The following RBFOX1 variants were observed in gnomAD, a reference collection of about 807,000 sequenced individuals.
The protein encoded by RBFOX1 is RNA binding protein fox-1 homolog 1.
Under a neutral mutation model 57.7 loss-of-function variants are expected in RBFOX1, and 8 were observed. The observed-to-expected ratio is 0.14, with a 90% confidence interval of 0.08 to 0.25. The LOEUF (loss-of-function observed/expected upper bound fraction) is 0.25. Among genes scored for constraint, RBFOX1 ranks in the 10% least tolerant of loss-of-function variants. RBFOX1 has a pLI of 1.00. For synonymous variants in RBFOX1, 326 were observed against 222.4 expected (o/e 1.47, Z -4.15); for missense variants, 611 against 548.5 (o/e 1.11, Z -1.14).
At chr16:6,941,468 A>C (rs1044227850) in intron 3 of RBFOX1, among the ~76,000 whole-genome samples, 4 of 151,958 alleles carry the variant, frequency 2.6e-5, no homozygotes, top group Non-Finnish European at 5.9e-5. Flanking sequence ...AACATACTGT[A>C]AAAGTGCCGT....
chr16:6,793,023 C>T (rs1012374083), intron 3 of RBFOX1, among the ~76,000 whole-genome samples: 3 of 130,810 alleles, frequency 2.3e-5, no homozygotes, highest in African/African-American at 5.5e-5. Context: ...AGTGAGACTC[C>T]ATCTGAAAAA....
At position 5,429,854 on chromosome 16, in the gene RBFOX1, T is replaced by C. The variant is rs376782257; in HGVS notation, c.220-37362T>C. ...CAGCCTGTGCTAGGGGCTCCGGCTG[T>C]GTCAGTGAATGAAACAGTCCCAAAT... On this transcript the variant is annotated intron_variant, in intron 1 of 2. Coordinates refer to the RBFOX1 transcript ENST00000585867. Among the ~76,000 whole-genome samples the C allele has an allele frequency of 2.6e-5, 4 of 152,314 alleles. No individual in the cohort carries two copies. In the South Asian group the frequency reaches 6.2e-4, roughly 24 times the overall value.
At chr16:5,998,261 C>A (rs147390561) in intron 4 of RBFOX1, among the ~76,000 whole-genome samples, 1 of 152,176 alleles carries the variant, frequency 6.6e-6, no homozygotes, top group Non-Finnish European at 1.5e-5. Context: ...TCCCTTAGAT[C>A]TCTTTGATAG....
At chr16:6,564,388 A>T (rs946775350) in intron 2 of RBFOX1, among the ~76,000 whole-genome samples, 3 of 152,200 alleles carry the variant, frequency 2.0e-5, no homozygotes, top group Admixed American at 2.0e-4. Flanking sequence ...TGAACCCAGG[A>T]GACAGAGCTT....
At chr16:5,835,844 A>T (rs915744552) in intron 3 of RBFOX1, among the ~76,000 whole-genome samples, 11 of 152,172 alleles carry the variant, frequency 7.2e-5, no homozygotes, top group African/African-American at 2.4e-4. Flanking sequence ...TGGAGGAACC[A>T]TGCCCACAGG....
intron 5 of RBFOX1, among the ~76,000 whole-genome samples, chr16:7,525,501 C>G (rs1018589041): frequency 3.3e-5 from 5 of 152,250 alleles, no homozygotes; most frequent in Non-Finnish European, 7.4e-5. Flanking sequence ...ATCAATTACC[C>G]TACAGAGAGC....
chr16:7,098,018 G>T (rs987110214), intron 4 of RBFOX1, among the ~76,000 whole-genome samples: 3 of 152,158 alleles, frequency 2.0e-5, no homozygotes, highest in African/African-American at 7.2e-5. Flanking sequence ...TGACTTAAAT[G>T]AGCTCAGTGA....
intron 4 of RBFOX1, among the ~76,000 whole-genome samples, chr16:7,413,370 TG>T (rs1488039226): frequency 2.0e-5 from 3 of 152,014 alleles, no homozygotes; most frequent in Non-Finnish European, 4.4e-5. Context: ...CACACATCCC[TG>T]AATCACTTGT....
chr16:7,485,706 T>G (rs2065190415), intron 4 of RBFOX1, among the ~76,000 whole-genome samples: 1 of 152,234 alleles, frequency 6.6e-6, no homozygotes, highest in South Asian at 2.1e-4. Context: ...CACATCCATA[T>G]ATAATGTATA....
chr16:5,475,509 A>G (rs572772645), intron 2 of RBFOX1, among the ~76,000 whole-genome samples: 1 of 152,354 alleles, frequency 6.6e-6, no homozygotes, highest in African/African-American at 2.4e-5. Flanking sequence ...AGGCATTGTC[A>G]ACTATAATTG....
chr16:6,652,134 T>C (rs2098601409), intron 2 of RBFOX1, among the ~76,000 whole-genome samples: 1 of 152,082 alleles, frequency 6.6e-6, no homozygotes, highest in South Asian at 2.1e-4. Context: ...GGGGTCTTAA[T>C]CCAATAGGAT....
At chr16:7,265,522 C>T (rs752149410) in intron 4 of RBFOX1, among the ~76,000 whole-genome samples, 1 of 152,134 alleles carries the variant, frequency 6.6e-6, no homozygotes, top group Non-Finnish European at 1.5e-5. Flanking sequence ...GATCTCAGCT[C>T]ACTGTAACCT....
chr16:6,708,347 G>C (rs7204545), intron 3 of RBFOX1, among the ~76,000 whole-genome samples: 2 of 151,914 alleles, frequency 1.3e-5, no homozygotes, highest in East Asian at 3.9e-4. Context: ...CAACTACCTT[G>C]AGACCATCTT....
intron 3 of RBFOX1, among the ~76,000 whole-genome samples, chr16:6,822,115 C>G (rs959852885): frequency 5.3e-5 from 8 of 152,174 alleles, no homozygotes; most frequent in African/African-American, 1.7e-4. Flanking sequence ...CTGGGGGAGA[C>G]AGACTGAGAA....
chr16:6,766,459 CCTT>C (rs987749841), intron 3 of RBFOX1, among the ~76,000 whole-genome samples: 23 of 151,710 alleles, frequency 1.5e-4, no homozygotes, highest in African/African-American at 5.6e-4. Flanking sequence ...AGTCACATGC[CCTT>C]CTTCATTTTT....
intron 4 of RBFOX1, among the ~76,000 whole-genome samples, chr16:7,106,743 C>A (rs769753423): frequency 2.6e-5 from 4 of 151,936 alleles, no homozygotes; most frequent in Admixed American, 6.6e-5. Flanking sequence ...ATCCCTGCCA[C>A]CAAGAAGCAC....
At chr16:7,002,528 A>G (rs1449944297) in intron 3 of RBFOX1, among the ~76,000 whole-genome samples, 1 of 152,150 alleles carries the variant, frequency 6.6e-6, no homozygotes, top group African/African-American at 2.4e-5. Flanking sequence ...CCTGGCCAAA[A>G]TGGTGAAACC....
At chr16:5,997,581 A>G (rs906547471) in intron 4 of RBFOX1, among the ~76,000 whole-genome samples, 3 of 152,214 alleles carry the variant, frequency 2.0e-5, no homozygotes, top group Admixed American at 1.3e-4. Context: ...CCAAATCTCT[A>G]GAGCGATTAG....
At chr16:5,770,514 T>C (rs9929578) in intron 3 of RBFOX1, among the ~76,000 whole-genome samples, 59,515 of 151,810 alleles carry the variant, frequency 0.39, 12,012 homozygotes, top group East Asian at 0.61. Context: ...TAAGGAGTTG[T>C]TATAAATAAA....
Sources: allele counts gnomAD v4.1 joint callset (sites outside exome capture counted in the v4.1 genomes callset), GRCh38; gene constraint gnomAD v4.1.1; transcripts MANE v1.5; gene names NCBI Gene and HGNC (gene_info 2026-07-23, HGNC 2026-07-21).